The following DGKI variants were observed in gnomAD, a reference collection of about 807,000 sequenced individuals.
The protein encoded by DGKI is DAG kinase iota.
Under a neutral mutation model 147.5 loss-of-function variants are expected in DGKI, and 55 were observed. That is an observed-to-expected ratio of 0.37 (90% CI 0.30 to 0.47). The LOEUF (loss-of-function observed/expected upper bound fraction) is 0.47, where lower values mean the gene tolerates loss of function less well. Ranked by LOEUF, DGKI falls within the 20% of genes least tolerant of loss-of-function variation. DGKI has a pLI of 1.00. For synonymous variants in DGKI, 469 were observed against 477.1 expected (o/e 0.98, Z 0.22); for missense variants, 1,007 against 1,323.8 (o/e 0.76, Z 3.71).
intron 27 of DGKI, among the ~76,000 whole-genome samples, chr7:137,461,345 A>C (rs932473070): frequency 3.9e-5 from 6 of 152,224 alleles, no homozygotes; most frequent in Non-Finnish European, 8.8e-5. Context: ...TTGAATGAAG[A>C]TCATTTAATT....
chr7:137,731,740 C>T (rs953435219), intron 1 of DGKI, among the ~76,000 whole-genome samples: 3 of 152,152 alleles, frequency 2.0e-5, no homozygotes, highest in East Asian at 1.9e-4. Flanking sequence ...AATCTGGCCT[C>T]GCCACTGAAT....
chr7:137,747,081 T>C (rs1350171148), intron 1 of DGKI, among the ~76,000 whole-genome samples: 1 of 152,170 alleles, frequency 6.6e-6, no homozygotes, highest in African/African-American at 2.4e-5. Flanking sequence ...GGCCTAATAA[T>C]TTAGGTTTTT....
chr7:137,800,826 C>T (rs528269202), intron 1 of DGKI, among the ~76,000 whole-genome samples: 39 of 152,280 alleles, frequency 2.6e-4, no homozygotes, highest in Middle Eastern at 3.4e-3. Context: ...TGCCCCCACC[C>T]AATGCTCCAT....
At chr7:137,604,743 G>A (rs4126098) in intron 10 of DGKI, among the ~76,000 whole-genome samples, 1 of 152,236 alleles carries the variant, frequency 6.6e-6, no homozygotes, top group East Asian at 1.9e-4. Context: ...TTAAAGTCTA[G>A]GTCACTGGAA....
intron 1 of DGKI, among the ~76,000 whole-genome samples, chr7:137,747,963 C>A (rs1454470525): frequency 6.6e-6 from 1 of 152,118 alleles, no homozygotes; most frequent in Non-Finnish European, 1.5e-5. Context: ...ACACATTTTA[C>A]GACAAGGAAA....
intron 6 of DGKI, among the ~76,000 whole-genome samples, chr7:137,636,967 G>T (rs1210860867): frequency 6.6e-6 from 1 of 152,188 alleles, no homozygotes; most frequent in Admixed American, 6.5e-5. Flanking sequence ...ACAGCCTGCA[G>T]AACTGTGAGC....
At chr7:137,412,052 C>A in intron 29 of DGKI, 118 bp downstream of exon 29, 1 of 984,078 alleles carries the variant, frequency 1.0e-6, no homozygotes, top group South Asian at 1.4e-5. Flanking sequence ...CTCTTCTACC[C>A]AGCCAGTGCA....
intron 1 of DGKI, among the ~76,000 whole-genome samples, chr7:137,795,569 G>A (rs1169318424): frequency 7.2e-5 from 11 of 152,128 alleles, no homozygotes; most frequent in Admixed American, 2.0e-4. Flanking sequence ...GAAGCTGATC[G>A]AAAAACTTAA....
intron 24 of DGKI, among the ~76,000 whole-genome samples, chr7:137,467,647 G>A (rs998593158): frequency 6.6e-6 from 1 of 151,946 alleles, no homozygotes; most frequent in Non-Finnish European, 1.5e-5. Context: ...CTACATCTAT[G>A]GTATGCGAAA....
At chr7:137,569,810 C>T (rs1818734450) in intron 19 of DGKI, among the ~76,000 whole-genome samples, 1 of 139,840 alleles carries the variant, frequency 7.2e-6, no homozygotes, top group Non-Finnish European at 1.5e-5. Context: ...AAACTTAATC[C>T]TATTTGCTCT....
chr7:137,638,567 C>CATATATGTATATATACACATATAT (rs373273871), intron 6 of DGKI, among the ~76,000 whole-genome samples: 2 of 33,118 alleles, frequency 6.0e-5, no homozygotes, highest in South Asian at 1.0e-3. Flanking sequence ...TATATATACA[C>CATATATGTATATATACACATATAT]ACATATATGT....
chr7:137,638,619 C>T (rs13223913), intron 6 of DGKI, among the ~76,000 whole-genome samples: 3,152 of 19,884 alleles, frequency 0.16, 1,160 homozygotes, highest in African/African-American at 0.33. Context: ...TATACACACA[C>T]ACATATATAT....
chr7:137,830,636 A>T (rs932678021), intron 1 of DGKI, among the ~76,000 whole-genome samples: 1 of 152,226 alleles, frequency 6.6e-6, no homozygotes, highest in Admixed American at 6.5e-5. Context: ...TAAGGGATAG[A>T]ATGAAAGTGG....
intron 7 of DGKI, among the ~76,000 whole-genome samples, chr7:137,623,025 T>G (rs1182199588): frequency 6.6e-6 from 1 of 152,202 alleles, no homozygotes; most frequent in Non-Finnish European, 1.5e-5. Flanking sequence ...TAAAAAGTCA[T>G]GCACATTAAA....
chr7:137,566,039 T>C (rs1315534944), intron 19 of DGKI, among the ~76,000 whole-genome samples: 1 of 152,188 alleles, frequency 6.6e-6, no homozygotes, highest in Non-Finnish European at 1.5e-5. Flanking sequence ...ACTGAAATCA[T>C]AAGCAATGTA....
intron 1 of DGKI, among the ~76,000 whole-genome samples, chr7:137,819,697 A>T (rs1181555522): frequency 1.3e-5 from 2 of 151,482 alleles, no homozygotes; most frequent in Admixed American, 1.3e-4. Flanking sequence ...GCCCAGCACA[A>T]CTCCCCATCC....
chr7:137,503,759 G>A (rs1310282283), intron 21 of DGKI, among the ~76,000 whole-genome samples: 1 of 151,996 alleles, frequency 6.6e-6, no homozygotes, highest in Non-Finnish European at 1.5e-5. Context: ...CCAATGTACT[G>A]AGAAAGATCA....
intron 20 of DGKI, among the ~76,000 whole-genome samples, chr7:137,530,687 T>G (rs1419834592): frequency 6.6e-6 from 1 of 152,206 alleles, no homozygotes. Context: ...TTCTGACATC[T>G]GACTACATTC....
chr7:137,803,890 A>C (rs188698429), intron 1 of DGKI, among the ~76,000 whole-genome samples: 1 of 152,182 alleles, frequency 6.6e-6, no homozygotes, highest in Non-Finnish European at 1.5e-5. Context: ...CCCGCTCACT[A>C]TATCATCTTA....
Sources: allele counts gnomAD v4.1 joint callset (sites outside exome capture counted in the v4.1 genomes callset), GRCh38; gene constraint gnomAD v4.1.1; transcripts MANE v1.5; gene names NCBI Gene and HGNC (gene_info 2026-07-23, HGNC 2026-07-21).